The following CDKAL1 variants were observed in gnomAD, a reference collection of about 807,000 sequenced individuals.
CDKAL1 encodes the protein CDKAL1 threonylcarbamoyladenosine tRNA methylthiotransferase, also known as threonylcarbamoyladenosine tRNA methylthiotransferase.
A neutral mutation model predicts 68.2 loss-of-function variants in CDKAL1; 32 were observed. The observed-to-expected ratio is 0.47, with a 90% CI of 0.35 to 0.63. The LOEUF is 0.63. Ranked by LOEUF, CDKAL1 falls within the 30% of genes least tolerant of loss-of-function variation. The pLI is 0.00. For missense variants in CDKAL1, 606 were observed against 696.7 expected, an observed-to-expected ratio of 0.87 and a Z score of 1.47; for synonymous variants, 234 against 244.3, an observed-to-expected ratio of 0.96 and a Z score of 0.39.
chr6:21,061,868 A>G (rs1485202039), intron 11 of CDKAL1, among the ~76,000 whole-genome samples: 2 of 152,198 alleles, frequency 1.3e-5, no homozygotes, highest in Non-Finnish European at 2.9e-5. Context: ...ATTCTTATAT[A>G]CTTTGAAACC....
At chr6:20,821,892 A>G (rs1018388316) in intron 8 of CDKAL1, among the ~76,000 whole-genome samples, 1 of 152,330 alleles carries the variant, frequency 6.6e-6, no homozygotes, top group South Asian at 2.1e-4. Flanking sequence ...AAAGGGCTAC[A>G]TTTTACTCTT....
intron 8 of CDKAL1, among the ~76,000 whole-genome samples, chr6:20,818,400 A>ATTATCTCTT (rs1158317163): frequency 6.6e-6 from 1 of 152,162 alleles, no homozygotes; most frequent in Non-Finnish European, 1.5e-5. Flanking sequence ...AGCATCAATA[A>ATTATCTCTT]TTATCTCTTT....
At chr6:20,989,724 C>G (rs928525582) in intron 10 of CDKAL1, among the ~76,000 whole-genome samples, 11 of 152,098 alleles carry the variant, frequency 7.2e-5, no homozygotes, top group Admixed American at 1.3e-4. Flanking sequence ...TATACCTGTT[C>G]ATATAATGTT....
Position 21,093,276 on chromosome 6 carries a change from T to C in CDKAL1, c.1237-15125T>C, listed in dbSNP as rs142241134. 9.7e-4 allele frequency among the ~76,000 whole-genome samples: 148 copies of C among 152,312 alleles called. 1 individual carries two copies. The East Asian group carries it at 0.025, about 26-fold the overall frequency. ...AGAAATGAGTGATTCCTTCCCTATT[T>C]TGAAGAAAAATGCTTTTCATCCTAG... On this transcript the variant is annotated intron_variant, in intron 12 of 15. Transcript: ENST00000274695.
chr6:21,058,329 T>C (rs528815371), intron 11 of CDKAL1, among the ~76,000 whole-genome samples: 2 of 152,364 alleles, frequency 1.3e-5, no homozygotes, highest in African/African-American at 4.8e-5. Context: ...AAACTAGGAT[T>C]GCAGTCCTTG....
At chr6:20,858,600 A>G (rs1759457171) in intron 9 of CDKAL1, among the ~76,000 whole-genome samples, 1 of 152,184 alleles carries the variant, frequency 6.6e-6, no homozygotes, top group African/African-American at 2.4e-5. Context: ...GACAAGGTAT[A>G]TCTTTGCTTA....
chr6:20,676,389 C>T (rs1770098160), intron 5 of CDKAL1, among the ~76,000 whole-genome samples: 1 of 152,106 alleles, frequency 6.6e-6, no homozygotes, highest in African/African-American at 2.4e-5. Flanking sequence ...AAAAAGTCGG[C>T]CGGCACAATG....
At chr6:20,877,906 C>CCTGCTG (rs1760608131) in intron 9 of CDKAL1, among the ~76,000 whole-genome samples, 1 of 152,144 alleles carries the variant, frequency 6.6e-6, no homozygotes, top group South Asian at 2.1e-4. Flanking sequence ...CACCCCACTT[C>CCTGCTG]CTGCTGCTCC....
rs143866275 is a variant in CDKAL1, at chr6:20,693,778, C to T, written c.371+44401C>T. On this transcript the variant is annotated intron_variant, in intron 5 of 15. Coordinates refer to ENST00000274695, the MANE Select transcript of CDKAL1 (RefSeq NM_017774.3). ...TTCATAAGACCTGGTTAAACTTGAC[C>T]TTGAGATTGCTTCACTCAGAAAAGT... Among the ~76,000 whole-genome samples, 42 of 152,134 alleles carry T rather than the reference C, an allele frequency of 2.8e-4. 1 individual carries two copies. In the East Asian group the frequency reaches 7.7e-3, roughly 28 times the overall value.
intron 9 of CDKAL1, among the ~76,000 whole-genome samples, chr6:20,932,592 C>G (rs1763516750): frequency 6.6e-6 from 1 of 152,122 alleles, no homozygotes; most frequent in Non-Finnish European, 1.5e-5. Flanking sequence ...GAGACAATGC[C>G]CTTTCCCAAA....
intron 8 of CDKAL1, among the ~76,000 whole-genome samples, chr6:20,786,718 C>T (rs1299549598): frequency 1.3e-5 from 2 of 151,920 alleles, no homozygotes; most frequent in Non-Finnish European, 2.9e-5. Flanking sequence ...AGGATGGTCT[C>T]GATCTCCTGA....
At chr6:20,936,546 G>A (rs1364806125) in intron 9 of CDKAL1, among the ~76,000 whole-genome samples, 2 of 151,832 alleles carry the variant, frequency 1.3e-5, no homozygotes, top group Non-Finnish European at 2.9e-5. Flanking sequence ...CACCGCGCCC[G>A]GCCCATTTTT....
chr6:20,937,900 G>A (rs905860440), intron 9 of CDKAL1, among the ~76,000 whole-genome samples: 17 of 151,772 alleles, frequency 1.1e-4, no homozygotes, highest in African/African-American at 4.1e-4. Context: ...GTGTCTTATG[G>A]GGGAAATGCT....
intron 4 of CDKAL1, among the ~76,000 whole-genome samples, chr6:20,645,707 G>T (rs1051708870): frequency 6.6e-6 from 1 of 151,494 alleles, no homozygotes; most frequent in African/African-American, 2.4e-5. Context: ...CTCTAGCCTG[G>T]TGACAGAGTG....
At chr6:20,801,010 C>A (rs892378352) in intron 8 of CDKAL1, among the ~76,000 whole-genome samples, 7 of 152,186 alleles carry the variant, frequency 4.6e-5, no homozygotes, top group African/African-American at 1.7e-4. Flanking sequence ...CTTAACCTGC[C>A]AGGCTCAAGC....
At chr6:20,604,034 A>G (rs1352790016) in intron 4 of CDKAL1, among the ~76,000 whole-genome samples, 1 of 152,014 alleles carries the variant, frequency 6.6e-6, no homozygotes, top group Non-Finnish European at 1.5e-5. Flanking sequence ...TCTAGGGAAG[A>G]GGTGTGTGGA....
At chr6:20,994,653 A>G (rs757656621) in intron 10 of CDKAL1, among the ~76,000 whole-genome samples, 8 of 152,238 alleles carry the variant, frequency 5.3e-5, no homozygotes, top group East Asian at 1.9e-4. Context: ...AAATATCACC[A>G]TAAAGCAAGT....
chr6:20,906,942 GAT>G (rs1762253403), intron 9 of CDKAL1, among the ~76,000 whole-genome samples: 1 of 152,120 alleles, frequency 6.6e-6, no homozygotes, highest in African/African-American at 2.4e-5. Context: ...GATTATAACA[GAT>G]ATATAACACA....
intron 4 of CDKAL1, among the ~76,000 whole-genome samples, chr6:20,581,981 A>G (rs1451893537): frequency 1.3e-5 from 2 of 152,216 alleles, no homozygotes; most frequent in Non-Finnish European, 2.9e-5. Context: ...AAGCATATGT[A>G]TAAGTTGTAT....
Sources: allele counts gnomAD v4.1 joint callset (sites outside exome capture counted in the v4.1 genomes callset), GRCh38; gene constraint gnomAD v4.1.1; transcripts MANE v1.5; gene names NCBI Gene and HGNC (gene_info 2026-07-23, HGNC 2026-07-21).